GRM7: variants seen among roughly 807,000 people sequenced by gnomAD.
GRM7 encodes the protein glutamate metabotropic receptor 7, also known as metabotropic glutamate receptor 7.
A neutral mutation model predicts 84.5 loss-of-function variants in GRM7; 35 were observed. The ratio of observed to expected loss-of-function variants is 0.41; its 90% confidence interval spans 0.32 to 0.55. The LOEUF is 0.55. Among genes scored for constraint, GRM7 ranks in the 20% least tolerant of loss-of-function variants. GRM7 has a pLI of 0.19. For missense variants in GRM7, 1,003 were observed against 1,194.6 expected, an observed-to-expected ratio of 0.84 and a Z score of 2.36; for synonymous variants, 487 against 455.1, an observed-to-expected ratio of 1.07 and a Z score of -0.89.
chr3:7,169,415 A>G (rs1482599677), intron 2 of GRM7, among the ~76,000 whole-genome samples: 1 of 152,136 alleles, frequency 6.6e-6, no homozygotes, highest in Non-Finnish European at 1.5e-5. Flanking sequence ...GTGACACTCT[A>G]ATCTTCAATT....
chr3:6,974,340 T>A (rs569898249), intron 1 of GRM7, among the ~76,000 whole-genome samples: 1 of 152,284 alleles, frequency 6.6e-6, no homozygotes, highest in East Asian at 1.9e-4. Flanking sequence ...AATAGACAGT[T>A]GAGTGAAAGG....
At chr3:7,403,262 T>C in intron 4 of GRM7, 1 of 262,226 alleles carries the variant, frequency 3.8e-6, no homozygotes, top group South Asian at 3.9e-5. Flanking sequence ...CTTGGACAGT[T>C]ATATACACAT....
chr3:7,251,747 C>G (rs1352806957), intron 2 of GRM7, among the ~76,000 whole-genome samples: 2 of 152,130 alleles, frequency 1.3e-5, no homozygotes, highest in African/African-American at 4.8e-5. Flanking sequence ...GTGTGCCCAA[C>G]CCTGTGACAG....
chr3:7,572,808 T>C (rs369996579), intron 7 of GRM7, among the ~76,000 whole-genome samples: 5 of 86,832 alleles, frequency 5.8e-5, no homozygotes, highest in South Asian at 4.2e-4. Context: ...GGCGACAGAG[T>C]GAGACTCTAT....
At chr3:7,302,916 A>T (rs1280474882) in intron 3 of GRM7, among the ~76,000 whole-genome samples, 1 of 140,932 alleles carries the variant, frequency 7.1e-6, no homozygotes, top group African/African-American at 2.7e-5. Flanking sequence ...AGAAGTATTA[A>T]CATTTGATTG....
At chr3:7,260,353 C>G (rs1025147688) in intron 2 of GRM7, among the ~76,000 whole-genome samples, 1 of 152,044 alleles carries the variant, frequency 6.6e-6, no homozygotes, top group Non-Finnish European at 1.5e-5. Flanking sequence ...GTCATGAAAT[C>G]TTTGTCAGTT....
At chr3:7,416,945 G>A (rs1256343382) in intron 5 of GRM7, among the ~76,000 whole-genome samples, 1 of 152,050 alleles carries the variant, frequency 6.6e-6, no homozygotes, top group Non-Finnish European at 1.5e-5. Flanking sequence ...GACATTTTGT[G>A]TTCTGTAGAG....
chr3:7,086,943 T>G (rs961945034), intron 1 of GRM7, among the ~76,000 whole-genome samples: 1 of 152,178 alleles, frequency 6.6e-6, no homozygotes, highest in Non-Finnish European at 1.5e-5. Flanking sequence ...TTTCATTTTG[T>G]GTAGCTGTCA....
intron 1 of GRM7, among the ~76,000 whole-genome samples, chr3:6,872,861 CATTGATGGGCATT>C: frequency 6.6e-6 from 1 of 152,276 alleles, no homozygotes; most frequent in South Asian, 2.1e-4. Context: ...TCCAGGCTAT[CATTGATGGGCATT>C]TGGGTTGTTC....
chr3:7,517,511 GC>G (rs759617936), intron 7 of GRM7, among the ~76,000 whole-genome samples: 3 of 151,994 alleles, frequency 2.0e-5, no homozygotes, highest in Non-Finnish European at 4.4e-5. Context: ...CCATGCCTCC[GC>G]CTCTCGAGTA....
intron 5 of GRM7, among the ~76,000 whole-genome samples, chr3:7,424,560 T>C (rs1696526309): frequency 6.6e-6 from 1 of 152,108 alleles, no homozygotes; most frequent in African/African-American, 2.4e-5. Context: ...TGGAGACACT[T>C]TGTGACTTCT....
At chr3:7,088,455 A>G (rs915075101) in intron 1 of GRM7, among the ~76,000 whole-genome samples, 2 of 151,760 alleles carry the variant, frequency 1.3e-5, no homozygotes, top group Non-Finnish European at 1.5e-5. Context: ...AAAATAGTGT[A>G]TTGACTCTAG....
intron 2 of GRM7, among the ~76,000 whole-genome samples, chr3:7,238,605 A>G (rs1463748321): frequency 1.3e-5 from 2 of 152,200 alleles, no homozygotes; most frequent in African/African-American, 4.8e-5. Flanking sequence ...AACTCAATAA[A>G]TATTTGTTAA....
At chr3:7,111,297 T>A (rs1692842905) in intron 1 of GRM7, among the ~76,000 whole-genome samples, 1 of 152,050 alleles carries the variant, frequency 6.6e-6, no homozygotes, top group Non-Finnish European at 1.5e-5. Context: ...ATATACATGG[T>A]GAAAAAATGA....
intron 4 of GRM7, among the ~76,000 whole-genome samples, chr3:7,315,434 C>A (rs1700548950): frequency 6.6e-6 from 1 of 152,196 alleles, no homozygotes; most frequent in Non-Finnish European, 1.5e-5. Flanking sequence ...CAACTTTAAT[C>A]CTTTGCCCCA....
Position 7,645,347 on chromosome 3 carries a change from G to A in GRM7, c.2452-34702G>A, listed in dbSNP as rs543151199. Among the ~76,000 whole-genome samples, 134 of 151,962 alleles carry A rather than the reference G, an allele frequency of 8.8e-4. 1 individual carries two copies. Among genetic ancestry groups the A allele is most frequent in the Non-Finnish European group, 7.5e-4 (51 of 67,992 alleles). On this transcript the variant is annotated intron_variant, in intron 8 of 9. Coordinates refer to ENST00000357716, the MANE Select transcript of GRM7 (RefSeq NM_000844.4). ...GCAGACCACAAGGTCAGGAGATTGA[G>A]ACCATCCTGGCCAACATGGTGAAAC...
In GRM7 at chr3:7,412,595, T is replaced by C. The variant is rs566094064; in HGVS notation, c.1034-2428T>C. 5.8e-4 allele frequency among the ~76,000 whole-genome samples: 88 copies of C among 152,300 alleles called. 1 individual carries two copies. The South Asian group carries it at 0.018, about 32-fold the overall frequency. ...CCAGTTAAAAGAGGAAAGAACCAGATTGGTGTGGTCTTCACACCAGCTAAA... is the reference window on the plus strand; with the variant it reads ...CCAGTTAAAAGAGGAAAGAACCAGACTGGTGTGGTCTTCACACCAGCTAAA... On this transcript the variant is annotated intron_variant, in intron 4 of 9. Coordinates refer to ENST00000357716, the MANE Select transcript of GRM7 (RefSeq NM_000844.4).
At chr3:7,693,572 A>T in intron 9 of GRM7, 1 of 1,001,166 alleles carries the variant, frequency 1.0e-6, no homozygotes. Flanking sequence ...TTTCATTTGC[A>T]TTTAATTTCC....
At chr3:7,662,277 G>C (rs1699497039) in intron 8 of GRM7, among the ~76,000 whole-genome samples, 1 of 152,146 alleles carries the variant, frequency 6.6e-6, no homozygotes, top group Admixed American at 6.5e-5. Flanking sequence ...GAGGAATAAG[G>C]AACTTTTGGA....
Sources: allele counts gnomAD v4.1 joint callset (sites outside exome capture counted in the v4.1 genomes callset), GRCh38; gene constraint gnomAD v4.1.1; transcripts MANE v1.5; gene names NCBI Gene and HGNC (gene_info 2026-07-23, HGNC 2026-07-21).